Variants in ADARB2 observed in about 807,000 individuals in gnomAD.
ADARB2 encodes the protein adenosine deaminase RNA specific B2 (inactive).
ADARB2 carries 25 observed loss-of-function variants against 62.2 expected under a neutral mutation model. The observed-to-expected ratio is 0.40, with a 90% CI of 0.29 to 0.56. The LOEUF is 0.56. Among genes scored for constraint, ADARB2 ranks in the 20% least tolerant of loss-of-function variants. The probability of loss-of-function intolerance (pLI) is 0.43; values close to 1 mark genes in which losing one functional copy is unlikely to be tolerated. For synonymous variants in ADARB2, 572 were observed against 500.8 expected (o/e 1.14, Z -1.90); for missense variants, 1,071 against 1,077.4 (o/e 0.99, Z 0.08).
chr10:1,559,450 G>GTCGT (rs1832758003), intron 1 of ADARB2, among the ~76,000 whole-genome samples: 1 of 152,220 alleles, frequency 6.6e-6, no homozygotes, highest in East Asian at 1.9e-4. Flanking sequence ...CCACTGGGTG[G>GTCGT]ACGCCTGTGC....
chr10:1,481,912 T>A (rs1831478186), intron 1 of ADARB2, among the ~76,000 whole-genome samples: 1 of 149,464 alleles, frequency 6.7e-6, no homozygotes, highest in Non-Finnish European at 1.5e-5. Flanking sequence ...ACTTAACCCA[T>A]CCAACTTAAA....
At chr10:1,621,251 A>T (rs1329237955) in intron 1 of ADARB2, among the ~76,000 whole-genome samples, 1 of 152,248 alleles carries the variant, frequency 6.6e-6, no homozygotes. Context: ...TATTAGAACT[A>T]GTAGGTATTT....
chr10:1,703,291 T>A (rs951019110), intron 1 of ADARB2, among the ~76,000 whole-genome samples: 1 of 151,992 alleles, frequency 6.6e-6, no homozygotes, highest in African/African-American at 2.4e-5. Flanking sequence ...GAACACCTGA[T>A]GAGGAGGGTG....
chr10:1,536,111 C>G (rs1832329052), intron 1 of ADARB2, among the ~76,000 whole-genome samples: 2 of 152,156 alleles, frequency 1.3e-5, no homozygotes, highest in Admixed American at 1.3e-4. Context: ...GGGTCCAACC[C>G]TGTGTCGTGC....
At chr10:1,581,991 C>T (rs1036911732) in intron 1 of ADARB2, among the ~76,000 whole-genome samples, 19 of 152,176 alleles carry the variant, frequency 1.2e-4, no homozygotes, top group African/African-American at 4.3e-4. Context: ...TCACTGCGGT[C>T]CACTGAGCTT....
At chr10:1,665,365 A>C (rs570905158) in intron 1 of ADARB2, among the ~76,000 whole-genome samples, 1 of 152,364 alleles carries the variant, frequency 6.6e-6, no homozygotes, top group African/African-American at 2.4e-5. Context: ...GACGCCACAG[A>C]AACAGAGGAC....
intron 1 of ADARB2, among the ~76,000 whole-genome samples, chr10:1,685,417 C>G (rs1564367381): frequency 6.6e-6 from 1 of 152,200 alleles, no homozygotes; most frequent in Non-Finnish European, 1.5e-5. Flanking sequence ...CCCTTCTTCT[C>G]TTTCCTGTGC....
chr10:1,388,151 A>G (rs58703400), intron 1 of ADARB2, among the ~76,000 whole-genome samples: 41,536 of 152,092 alleles, frequency 0.27, 6,706 homozygotes, highest in Non-Finnish European at 0.36. Context: ...TGTAATATCA[A>G]TTGTCTCCTA....
intron 1 of ADARB2, among the ~76,000 whole-genome samples, chr10:1,576,034 CT>C (rs1833010584): frequency 2.2e-5 from 2 of 89,410 alleles, no homozygotes; most frequent in Non-Finnish European, 4.4e-5. Context: ...CCCAGGGCCA[CT>C]CGGCGGGGGG....
At chr10:1,253,294 A>G (rs530802846) in intron 4 of ADARB2, among the ~76,000 whole-genome samples, 1 of 152,354 alleles carries the variant, frequency 6.6e-6, no homozygotes, top group East Asian at 1.9e-4. Context: ...AATAACACAC[A>G]AAAAACCATG....
intron 1 of ADARB2, among the ~76,000 whole-genome samples, chr10:1,705,713 C>T (rs1834880809): frequency 6.6e-6 from 1 of 152,182 alleles, no homozygotes; most frequent in African/African-American, 2.4e-5. Context: ...TAAAGCTGTT[C>T]TTACAAAGAA....
rs369070056 is a variant in ADARB2, at chr10:1,351,962, T to A, written c.1077+11066A>T. ...CTTCAACACCTCCCTCCACAACCCA[T>A]TATTCTGTTCTGTATCTCAAACATG... On this transcript the variant is annotated intron_variant, in intron 3 of 9. Transcript: ENST00000381312. Among the ~76,000 whole-genome samples the A allele has an allele frequency of 4.7e-4, 70 of 148,508 alleles. 2 individuals carry two copies. The highest frequency in any genetic ancestry group is 1.5e-3 in the African/African-American group (56 of 38,426).
intron 1 of ADARB2, among the ~76,000 whole-genome samples, chr10:1,602,024 G>A (rs1833421828): frequency 6.6e-6 from 1 of 152,168 alleles, no homozygotes; most frequent in Non-Finnish European, 1.5e-5. Context: ...ACTGGCAGGA[G>A]GGCTCATGGG....
Position 1,363,086 on chromosome 10 carries a change from A to T in ADARB2, c.1019T>A (p.Phe340Tyr). 6.7e-7 allele frequency: 1 copy of T among 1,485,024 alleles called. No homozygotes were observed. The allele number at this position is 1,485,024 out of a possible 1,614,324, so 92.0% of individuals were successfully genotyped here. Reference protein sequence around the residue: ...QAAQAALQELFDIQMPGHAPG... With the variant: ...QAAQAALQELYDIQMPGHAPG... ...CGCGTGGCCGGGCATCTGGATGTCG[A>T]ACAGCTCCTGCAGTGCGGCCTGCGC... The change falls in exon 3 of 10, where the codon TTC becomes TAC. Residue 340 changes from phenylalanine (F) to tyrosine (Y), a missense_variant. Transcript: ENST00000381312.
At chr10:1,285,292 G>A (rs957726681) in intron 3 of ADARB2, among the ~76,000 whole-genome samples, 7 of 149,258 alleles carry the variant, frequency 4.7e-5, no homozygotes, top group African/African-American at 7.3e-5. Flanking sequence ...ACACCGTGGG[G>A]AAACGCGCCC....
At chr10:1,359,722 C>T (rs749906779) in intron 3 of ADARB2, among the ~76,000 whole-genome samples, 14 of 152,212 alleles carry the variant, frequency 9.2e-5, no homozygotes, top group South Asian at 2.1e-4. Context: ...CTTCCCGCCG[C>T]GGCCCTGCCA....
At chr10:1,542,777 C>T (rs369030661) in intron 1 of ADARB2, among the ~76,000 whole-genome samples, 4,949 of 46,652 alleles carry the variant, frequency 0.11, 361 homozygotes, top group Non-Finnish European at 0.12. Flanking sequence ...CACTCAGACG[C>T]AGTTCAGACC....
chr10:1,206,515 AGAGAACTGCGGGGTCTCCTCCTCG>A (rs1564220089), intron 7 of ADARB2, among the ~76,000 whole-genome samples: 4 of 150,428 alleles, frequency 2.7e-5, no homozygotes, highest in African/African-American at 9.8e-5. Context: ...GTGTGGTCTG[AGAGAACTGCGGGGTCTCCTCCTCG>A]TGCCTGTGCG....
chr10:1,599,802 G>A (rs551146026), intron 1 of ADARB2, among the ~76,000 whole-genome samples: 7 of 152,252 alleles, frequency 4.6e-5, no homozygotes, highest in African/African-American at 1.7e-4. Flanking sequence ...GTAGAGTACA[G>A]TGGTGCTATC....
Sources: allele counts gnomAD v4.1 joint callset (sites outside exome capture counted in the v4.1 genomes callset), GRCh38; gene constraint gnomAD v4.1.1; transcripts MANE v1.5; gene names NCBI Gene and HGNC (gene_info 2026-07-23, HGNC 2026-07-21).